CADPS: variants seen among roughly 807,000 people sequenced by gnomAD.
CADPS encodes calcium dependent secretion activator, also known as calcium-dependent secretion activator 1.
Under a neutral mutation model 167.3 loss-of-function variants are expected in CADPS, and 57 were observed. That is an observed-to-expected ratio of 0.34 (90% CI 0.28 to 0.42). The LOEUF (loss-of-function observed/expected upper bound fraction) is 0.42, where lower values mean the gene tolerates loss of function less well. Among genes scored for constraint, CADPS ranks in the 20% least tolerant of loss-of-function variants. The pLI is 1.00. For synonymous variants in CADPS, 676 were observed against 635.3 expected (o/e 1.06, Z -0.96); for missense variants, 1,414 against 1,738.1 (o/e 0.81, Z 3.32).
intron 6 of CADPS, among the ~76,000 whole-genome samples, chr3:62,642,921 A>AC (rs1463432575): frequency 1.5e-5 from 1 of 66,720 alleles, no homozygotes; most frequent in East Asian, 2.6e-4. Context: ...AAAAGACAAA[A>AC]CAAAACAAAA....
At chr3:62,647,107 A>C (rs1244590811) in intron 5 of CADPS, among the ~76,000 whole-genome samples, 3 of 152,204 alleles carry the variant, frequency 2.0e-5, no homozygotes, top group African/African-American at 7.2e-5. Context: ...CAATTTAAAA[A>C]TCTGAAACAA....
intron 10 of CADPS, among the ~76,000 whole-genome samples, chr3:62,551,386 T>G (rs2077295992): frequency 1.3e-5 from 2 of 152,186 alleles, no homozygotes. Flanking sequence ...GATCACTTCT[T>G]CCATCTCCAG....
At chr3:62,628,658 C>T (rs373426805) in intron 6 of CADPS, among the ~76,000 whole-genome samples, 6 of 149,614 alleles carry the variant, frequency 4.0e-5, no homozygotes, top group East Asian at 4.0e-4. Context: ...GACAGAGTCT[C>T]GCTCTGTCAC....
At chr3:62,599,631 A>ATTAT (rs1345458239) in intron 6 of CADPS, among the ~76,000 whole-genome samples, 1 of 12,584 alleles carries the variant, frequency 7.9e-5, no homozygotes, top group Non-Finnish European at 1.9e-4. Context: ...TATATAATAT[A>ATTAT]ATAAATATAA....
intron 27 of CADPS, among the ~76,000 whole-genome samples, chr3:62,442,095 TA>T (rs1453554579): frequency 1.3e-5 from 2 of 149,770 alleles, no homozygotes; most frequent in Non-Finnish European, 3.0e-5. Flanking sequence ...TATTAATTAA[TA>T]AAAAACAAAA....
At chr3:62,445,356 CAA>C (rs1218001133) in intron 27 of CADPS, among the ~76,000 whole-genome samples, 2 of 152,064 alleles carry the variant, frequency 1.3e-5, no homozygotes, top group Non-Finnish European at 2.9e-5. Context: ...TGCAAAACCA[CAA>C]TTAAGTTTTT....
chr3:62,400,890 G>T (rs1705824911), intron 29 of CADPS, among the ~76,000 whole-genome samples: 1 of 152,066 alleles, frequency 6.6e-6, no homozygotes, highest in Admixed American at 6.5e-5. Context: ...GAGCCATCGT[G>T]CCCGGCCCAT....
Position 62,738,783 on chromosome 3 carries a change from C to A in CADPS, c.888+14658G>T, listed in dbSNP as rs187143017. On this transcript the variant is annotated intron_variant, in intron 3 of 29. Coordinates refer to ENST00000383710, the MANE Select transcript of CADPS (RefSeq NM_003716.4). The stretch of plus-strand genomic sequence containing the variant: ...TGATTGCTTTTTCATTAGGAGAGGT[C>A]AATTACCTTCAGGTCTTAATTCCAT... Among the ~76,000 whole-genome samples, 11 of 152,190 alleles carry A rather than the reference C, an allele frequency of 7.2e-5. No homozygotes were observed. The East Asian group carries it at 1.7e-3, about 24-fold the overall frequency.
chr3:62,662,837 T>C (rs1422984048), intron 3 of CADPS, among the ~76,000 whole-genome samples: 3 of 152,190 alleles, frequency 2.0e-5, no homozygotes, highest in Non-Finnish European at 2.9e-5. Flanking sequence ...CTCTGGACCA[T>C]GGAGGATTAA....
At chr3:62,445,413 G>A (rs2057037788) in intron 27 of CADPS, among the ~76,000 whole-genome samples, 1 of 152,072 alleles carries the variant, frequency 6.6e-6, no homozygotes, top group South Asian at 2.1e-4. Context: ...CAAGTTTCTA[G>A]CTTCATGGCT....
intron 6 of CADPS, among the ~76,000 whole-genome samples, chr3:62,605,912 G>A (rs2060634055): frequency 6.6e-6 from 1 of 152,164 alleles, no homozygotes. Context: ...AATGGCTTTT[G>A]TGTTTTCTCA....
rs1488433098 is a variant in CADPS at position 62,465,271 on chromosome 3, C to T, written c.3636+96G>A. The T allele has an allele frequency of 1.8e-5, 14 of 787,262 alleles. No homozygotes were observed. In the East Asian group the frequency reaches 3.5e-4, roughly 19 times the overall value. 48.8% of individuals were successfully genotyped at this position (787,262 alleles called of 1,614,324 possible). On this transcript the variant is annotated intron_variant, in intron 26 of 29. Coordinates refer to ENST00000383710, the MANE Select transcript of CADPS (RefSeq NM_003716.4). This position sits in a 1 kb window ranked among gnomAD's most constrained non-coding sequence, Gnocchi z 4.1. Reference sequence around the variant, plus strand: ...TAGTTGACTATAATTAACACACACACCCATCCCAAAACAAAATGACACAAC... The same window carrying T: ...TAGTTGACTATAATTAACACACACATCCATCCCAAAACAAAATGACACAAC...
intron 1 of CADPS, among the ~76,000 whole-genome samples, chr3:62,852,355 C>T (rs1033961623): frequency 2.6e-5 from 4 of 152,102 alleles, no homozygotes; most frequent in Non-Finnish European, 5.9e-5. Flanking sequence ...AGAAATCACC[C>T]GTCTTCTGTG....
intron 28 of CADPS, among the ~76,000 whole-genome samples, chr3:62,409,309 G>A (rs571372095): frequency 6.6e-6 from 1 of 152,240 alleles, no homozygotes; most frequent in East Asian, 1.9e-4. Context: ...AGTCCTAGGT[G>A]TCCCTAAAGC....
intron 7 of CADPS, among the ~76,000 whole-genome samples, chr3:62,585,905 G>T (rs833642): frequency 0.82 from 125,012 of 152,206 alleles, 51,472 homozygotes; most frequent in Middle Eastern, 0.85. Flanking sequence ...AACTTTGCCC[G>T]GGCATGGAGG....
At chr3:62,822,200 A>T (rs1439783212) in intron 1 of CADPS, among the ~76,000 whole-genome samples, 1 of 152,170 alleles carries the variant, frequency 6.6e-6, no homozygotes, top group Non-Finnish European at 1.5e-5. Flanking sequence ...TATCATATTA[A>T]CAGGTTCTAC....
chr3:62,735,727 G>C (rs970962603), intron 3 of CADPS, among the ~76,000 whole-genome samples: 1 of 152,042 alleles, frequency 6.6e-6, no homozygotes, highest in Non-Finnish European at 1.5e-5. Context: ...GCAGCCTCTG[G>C]GTTATATCCT....
intron 24 of CADPS, 138 bp downstream of exon 24, chr3:62,474,035 C>T (rs2060942365): frequency 1.7e-6 from 1 of 592,152 alleles, no homozygotes; most frequent in African/African-American, 1.9e-5. Context: ...GAACACTCAT[C>T]CATGGCTTAA....
intron 17 of CADPS, among the ~76,000 whole-genome samples, chr3:62,510,622 C>A (rs1379450805): frequency 6.6e-6 from 1 of 152,104 alleles, no homozygotes; most frequent in East Asian, 1.9e-4. Flanking sequence ...CATAAGTCCA[C>A]CAAAATGCCA....
Sources: allele counts gnomAD v4.1 joint callset (sites outside exome capture counted in the v4.1 genomes callset), GRCh38; gene constraint gnomAD v4.1.1; non-coding constraint Gnocchi (gnomAD v3.1); transcripts MANE v1.5; gene names NCBI Gene and HGNC (gene_info 2026-07-23, HGNC 2026-07-21).